The following AGFG1 variants were observed in gnomAD, a reference collection of about 807,000 sequenced individuals.
The protein encoded by AGFG1 is arf-GAP domain and FG repeat-containing protein 1.
A neutral mutation model predicts 60.6 loss-of-function variants in AGFG1; 10 were observed. The observed-to-expected ratio is 0.16, with a 90% CI of 0.10 to 0.28. The LOEUF (loss-of-function observed/expected upper bound fraction) is 0.28, where lower values mean the gene tolerates loss of function less well. Ranked by LOEUF, AGFG1 falls within the 10% of genes least tolerant of loss-of-function variation. The pLI, the probability that AGFG1 is intolerant of heterozygous loss-of-function variation, is 1.00. For missense variants in AGFG1, 537 were observed against 676.5 expected (o/e 0.79, Z 2.29); for synonymous variants, 247 against 242.9 (o/e 1.02, Z -0.16).
intron 1 of AGFG1, among the ~76,000 whole-genome samples, chr2:227,472,878 G>T (rs1161962761): frequency 6.6e-6 from 1 of 151,602 alleles, no homozygotes; most frequent in Non-Finnish European, 1.5e-5. Flanking sequence ...GGGAGGGGGC[G>T]ACCGGGGCGA....
At chr2:227,476,067 C>A (rs75598445) in intron 1 of AGFG1, among the ~76,000 whole-genome samples, 3,182 of 151,912 alleles carry the variant, frequency 0.021, 69 homozygotes, top group Middle Eastern at 0.086. Flanking sequence ...TTTCTTGTTT[C>A]TTTTTTTTCA....
intron 1 of AGFG1, among the ~76,000 whole-genome samples, chr2:227,477,107 G>A (rs1261452924): frequency 2.0e-5 from 3 of 151,990 alleles, no homozygotes; most frequent in Non-Finnish European, 2.9e-5. Flanking sequence ...TCGCCATGTT[G>A]GCCAGGCTCG....
chr2:227,491,675 C>CT, intron 2 of AGFG1, 35 bp downstream of exon 2: 1 of 1,315,960 alleles, frequency 7.6e-7, no homozygotes. Flanking sequence ...CAATTTTTGA[C>CT]TTTTTTGTTG....
intron 8 of AGFG1, among the ~76,000 whole-genome samples, chr2:227,535,653 A>G (rs1337399416): frequency 4.6e-5 from 7 of 152,156 alleles, no homozygotes; most frequent in Non-Finnish European, 1.0e-4. Context: ...TACCTATAAC[A>G]ATGTTTTATT....
chr2:227,508,258 A>T (rs1176397958), intron 2 of AGFG1: 1 of 165,776 alleles, frequency 6.0e-6, no homozygotes, highest in East Asian at 1.6e-4. Context: ...CAGTACAAAT[A>T]GATCACTATG....
intron 6 of AGFG1, among the ~76,000 whole-genome samples, chr2:227,532,503 A>G (rs536595893): frequency 3.9e-5 from 6 of 152,304 alleles, no homozygotes; most frequent in Admixed American, 1.3e-4. Context: ...ATACAAACAT[A>G]TATTACTTAC....
At chr2:227,474,196 G>C (rs761927313) in intron 1 of AGFG1, among the ~76,000 whole-genome samples, 3 of 152,172 alleles carry the variant, frequency 2.0e-5, no homozygotes, top group African/African-American at 7.2e-5. Flanking sequence ...TGTTACTTAC[G>C]TTGGACAATA....
chr2:227,484,677 GTTTTTTTTTTGTTTTTTTTTTTTTTTTT>G lies in AGFG1; in HGVS notation c.168-6859_168-6832del, dbSNP rs1423041292. 3.1e-4 allele frequency among the ~76,000 whole-genome samples: 36 copies of G among 115,898 alleles called. 2 individuals carry two copies. The highest frequency in any genetic ancestry group is 1.7e-3 in the South Asian group (6 of 3,628). The allele number at this position is 115,898 out of a possible 152,430, so 76.0% of individuals were successfully genotyped here. A position where few individuals can be genotyped will look rare whatever the true frequency, so the allele number is the denominator to read the frequency against. ...AAGCTTCTTTAATGAAGATCTCTTA[GTTTTTTTTTTGTTTTTTTTTTTTTTTTT>G]TTTTTTTTTTTTTTTTGAGATGGAG... On this transcript the variant is annotated intron_variant, in intron 1 of 12. Coordinates refer to ENST00000310078, the MANE Select transcript of AGFG1 (RefSeq NM_004504.5).
intron 2 of AGFG1, among the ~76,000 whole-genome samples, chr2:227,519,549 AG>A (rs1033194094): frequency 3.6e-4 from 55 of 152,254 alleles, no homozygotes; most frequent in Non-Finnish European, 7.2e-4. Context: ...TTATGATTCT[AG>A]TATTTTTGTT....
intron 6 of AGFG1, 97 bp downstream of exon 6, chr2:227,531,307 A>G: frequency 7.3e-7 from 1 of 1,365,142 alleles, no homozygotes; most frequent in Non-Finnish European, 9.9e-7. Flanking sequence ...AAATTCTGTA[A>G]TTATCTGACT....
intron 2 of AGFG1, among the ~76,000 whole-genome samples, chr2:227,498,738 A>G (rs1691058110): frequency 6.6e-6 from 1 of 152,238 alleles, no homozygotes; most frequent in African/African-American, 2.4e-5. Context: ...CAGAAAACCC[A>G]GAGATTTATA....
intron 8 of AGFG1, among the ~76,000 whole-genome samples, 180 bp from the exon 9 acceptor site, chr2:227,536,445 A>T (rs551953341): frequency 3.3e-5 from 5 of 152,220 alleles, no homozygotes; most frequent in Non-Finnish European, 2.9e-5. Context: ...GATGATTCTT[A>T]ATGAAGCAGT....
At chr2:227,482,223 A>G (rs1575061656) in intron 1 of AGFG1, among the ~76,000 whole-genome samples, 1 of 152,064 alleles carries the variant, frequency 6.6e-6, no homozygotes, top group African/African-American at 2.4e-5. Flanking sequence ...CTTGAATATT[A>G]TTTTTTAGAT....
intron 1 of AGFG1, among the ~76,000 whole-genome samples, chr2:227,488,261 A>G (rs1166719535): frequency 6.6e-6 from 1 of 152,236 alleles, no homozygotes; most frequent in East Asian, 1.9e-4. Context: ...GTGCATTAAT[A>G]TACCCTGTGA....
At position 227,558,290 on chromosome 2, in the gene AGFG1, T is replaced by G. The variant is rs180874397; in HGVS notation, c.*3795T>G. On this transcript the variant is annotated 3_prime_UTR_variant, in exon 13 of 13. Coordinates refer to ENST00000310078, the MANE Select transcript of AGFG1 (RefSeq NM_004504.5). ...TATGAATGCATTCTTTCTTAATATT[T>G]TGAAATTCTGAACAAGTTAACGTTC... The G allele has an allele frequency of 5.3e-5, 8 of 152,308 alleles. No homozygotes were observed. In the East Asian group the frequency reaches 1.5e-3, roughly 29 times the overall value. The allele number at this position is 152,308 out of a possible 1,614,324, so 9.4% of individuals were successfully genotyped here.
At chr2:227,539,799 G>A (rs1559195929) in intron 10 of AGFG1, among the ~76,000 whole-genome samples, 2 of 147,516 alleles carry the variant, frequency 1.4e-5, no homozygotes, top group South Asian at 2.1e-4. Flanking sequence ...ATAGTTCTAT[G>A]TGAAATTCGG....
chr2:227,536,787 T>C, intron 9 of AGFG1, 83 bp downstream of exon 9: 1 of 1,558,762 alleles, frequency 6.4e-7, no homozygotes, highest in Non-Finnish European at 8.8e-7. Flanking sequence ...GTCAAAGCAA[T>C]GATTTGTTAT....
In AGFG1 at chr2:227,472,601, C is replaced by A; in HGVS notation, c.167+13C>A. 1 of 1,553,716 alleles carries A rather than the reference C, an allele frequency of 6.4e-7. No individual in the cohort carries two copies. The stretch of plus-strand genomic sequence containing the variant: ...GCTCCGGCAGCCTGTGAGTGCGGGG[C>A]GGCCGGGCGGGTGTCGGGCCCTTCC... On this transcript the variant is annotated intron_variant, in intron 1 of 12. Transcript: ENST00000310078.
rs1461349461 is a variant in AGFG1 at position 227,473,083 on chromosome 2, G to A, written c.167+495G>A. On this transcript the variant is annotated intron_variant, in intron 1 of 12. Transcript: ENST00000310078. ...GCACCTGCTGGGCGCTCCTGCTGGG[G>A]GTCGGGGAGAAGCTGGGGTGGGAGG... Among the ~76,000 whole-genome samples the A allele has an allele frequency of 5.3e-5, 8 of 151,620 alleles. No homozygotes were observed. The South Asian group carries it at 8.4e-4, about 16-fold the overall frequency.
Sources: gnomAD v4.1 joint callset for allele counts (sites outside exome capture counted in the v4.1 genomes callset) on GRCh38, gnomAD v4.1.1 for gene constraint, MANE v1.5 for transcripts, NCBI Gene and HGNC (gene_info 2026-07-23, HGNC 2026-07-21) for gene names.